The following ANK2 variants were observed in gnomAD, a reference collection of about 807,000 sequenced individuals.
The protein encoded by ANK2 is ankyrin 2, also known as ankyrin-2.
A neutral mutation model predicts 360.5 loss-of-function variants in ANK2; 83 were observed. The observed-to-expected ratio is 0.23, with a 90% CI of 0.19 to 0.28. The LOEUF (loss-of-function observed/expected upper bound fraction) is 0.28. Ranked by LOEUF, ANK2 falls within the 10% of genes least tolerant of loss-of-function variation. The probability of loss-of-function intolerance (pLI) is 1.00; values close to 1 mark genes in which losing one functional copy is unlikely to be tolerated. For missense variants in ANK2, 4,201 were observed against 4,795.7 expected (o/e 0.88, Z 3.66); for synonymous variants, 1,740 against 1,759.5 (o/e 0.99, Z 0.28).
the ANK2 span, among the ~76,000 whole-genome samples, chr4:112,735,246 G>A: frequency 1.3e-5 from 2 of 152,194 alleles, no homozygotes; most frequent in Middle Eastern, 3.4e-3. Context: ...TGAGAGGGTC[G>A]CTTGAGCCTG....
At chr4:112,810,546 CTTATT>C in the ANK2 span, among the ~76,000 whole-genome samples, 13 of 151,846 alleles carry the variant, frequency 8.6e-5, 1 homozygote, top group African/African-American at 2.4e-4. Flanking sequence ...TTCCTTCTTG[CTTATT>C]TTATTTTATT....
At chr4:112,765,849 C>T in the ANK2 span, among the ~76,000 whole-genome samples, 1 of 152,108 alleles carries the variant, frequency 6.6e-6, no homozygotes, top group African/African-American at 2.4e-5. Context: ...GTCACAGTGA[C>T]AGTGACTGGG....
chr4:113,279,140 T>C (rs2061320835), intron 17 of ANK2, among the ~76,000 whole-genome samples: 1 of 152,148 alleles, frequency 6.6e-6, no homozygotes, highest in African/African-American at 2.4e-5. Flanking sequence ...CCATTCTAGT[T>C]GGCCCCTTAT....
intron 26 of ANK2, among the ~76,000 whole-genome samples, chr4:113,327,530 G>A (rs2090604776): frequency 6.6e-6 from 1 of 152,114 alleles, no homozygotes; most frequent in African/African-American, 2.4e-5. Context: ...TTTTCACTAG[G>A]TTGTACATTC....
intron 26 of ANK2, among the ~76,000 whole-genome samples, chr4:113,323,388 G>A (rs1462823855): frequency 6.6e-6 from 1 of 152,060 alleles, no homozygotes; most frequent in Non-Finnish European, 1.5e-5. Context: ...AGTATTAAAT[G>A]TATAAAACAA....
chr4:113,265,064 G>C (rs1476201990), intron 14 of ANK2, 69 bp downstream of exon 14: 2 of 1,404,242 alleles, frequency 1.4e-6, no homozygotes, highest in Admixed American at 2.0e-5. Flanking sequence ...AGAGGGTGTT[G>C]CCCTTCAGTT....
intron 2 of ANK2, among the ~76,000 whole-genome samples, chr4:112,953,584 A>C (rs1396319419): frequency 6.6e-6 from 1 of 152,250 alleles, no homozygotes; most frequent in African/African-American, 2.4e-5. Flanking sequence ...CATTAATTGC[A>C]GAGCTTTGCC....
chr4:112,952,688 T>C, intron 2 of ANK2, among the ~76,000 whole-genome samples: 1 of 152,204 alleles, frequency 6.6e-6, no homozygotes, highest in Admixed American at 6.5e-5. Context: ...GAAATATATA[T>C]GCAAAGTTCT....
intron 2 of ANK2, among the ~76,000 whole-genome samples, chr4:113,008,012 C>T (rs1316803582): frequency 2.0e-5 from 3 of 152,106 alleles, no homozygotes; most frequent in Non-Finnish European, 2.9e-5. Context: ...CACTTTTCTC[C>T]TTGGAGCCAT....
intron 17 of ANK2, among the ~76,000 whole-genome samples, chr4:113,280,475 G>A (rs1206031294): frequency 6.6e-6 from 1 of 152,124 alleles, no homozygotes; most frequent in Non-Finnish European, 1.5e-5. Context: ...GCCCCAGCCT[G>A]TCAATGAACA....
At position 113,135,517 on chromosome 4, in the gene ANK2, GTC is replaced by G. The variant is rs763317115; in HGVS notation, c.85-38893_85-38892del. Among the ~76,000 whole-genome samples the G allele has an allele frequency of 2.4e-3, 357 of 147,390 alleles. 4 individuals are homozygous for G. The highest frequency in any genetic ancestry group is 3.3e-3 in the African/African-American group (133 of 40,866). ...ATGGCCAAACCATAGAGCTGTGTGT[GTC>G]TCTCTGTGTGTGTGTGTGTGTGTGT... On this transcript the variant is annotated intron_variant, in intron 1 of 45. Transcript: ENST00000357077.
intron 1 of ANK2, among the ~76,000 whole-genome samples, chr4:113,157,104 T>C (rs904571358): frequency 7.2e-5 from 11 of 152,214 alleles, no homozygotes; most frequent in African/African-American, 2.4e-4. Flanking sequence ...CATGCTTTAA[T>C]AGCTCTTCAA....
Position 113,196,424 on chromosome 4 carries a change from G to A in ANK2, c.243G>A (p.Gln81=), listed in dbSNP as rs1308462353. The stretch of plus-strand genomic sequence containing the variant: ...AGGAAGGCCACGTGGGGCTGGTGCA[G>A]GAGCTGCTGGGAAGAGGGTCCTCTG... The part of the protein sequence containing the change: ...AAKEGHVGLV[Q]ELLGRGSSVD... Residue 81 remains glutamine, a synonymous_variant, in exon 3 of 46, where the codon CAG becomes CAA. Transcript: ENST00000357077. 2 of 1,613,656 alleles carry A rather than the reference G, an allele frequency of 1.2e-6. No individual in the cohort carries two copies. The highest frequency in any genetic ancestry group is 8.5e-7 in the Non-Finnish European group (1 of 1,179,882).
intron 4 of ANK2, among the ~76,000 whole-genome samples, chr4:113,200,957 A>C (rs1376784975): frequency 1.3e-5 from 2 of 152,150 alleles, no homozygotes; most frequent in Non-Finnish European, 2.9e-5. Flanking sequence ...TGATGGGTGC[A>C]GCAAACCAAT....
intron 1 of ANK2, among the ~76,000 whole-genome samples, chr4:112,852,132 C>A (rs2065148519): frequency 6.6e-6 from 1 of 152,196 alleles, no homozygotes. Flanking sequence ...TCCTCTATTG[C>A]TCTAATACGT....
intron 45 of ANK2, chr4:113,374,830 C>G: frequency 7.9e-7 from 1 of 1,266,890 alleles, no homozygotes; most frequent in Non-Finnish European, 1.0e-6. Flanking sequence ...AGTGGAAGGC[C>G]GTAGAGTCAG....
intron 2 of ANK2, among the ~76,000 whole-genome samples, chr4:113,181,585 G>C (rs2098415284): frequency 6.6e-6 from 1 of 152,104 alleles, no homozygotes. Context: ...AAGTGATATG[G>C]AGGAAAATAC....
intron 2 of ANK2, among the ~76,000 whole-genome samples, chr4:112,996,644 A>G (rs1165195527): frequency 6.6e-6 from 1 of 152,122 alleles, no homozygotes; most frequent in Admixed American, 6.6e-5. Context: ...TATGGGGTAC[A>G]TGTGATGTTT....
intron 1 of ANK2, among the ~76,000 whole-genome samples, chr4:112,866,034 A>G (rs2150177654): frequency 6.6e-6 from 1 of 152,356 alleles, no homozygotes; most frequent in African/African-American, 2.4e-5. Context: ...ACATGTATGC[A>G]GCATTCTGTT....
Sources: allele counts gnomAD v4.1 joint callset (sites outside exome capture counted in the v4.1 genomes callset), GRCh38; gene constraint gnomAD v4.1.1; transcripts MANE v1.5; gene names NCBI Gene and HGNC (gene_info 2026-07-23, HGNC 2026-07-21).